The following ZDHHC11 variants were observed in gnomAD, a reference collection of about 807,000 sequenced individuals.
ZDHHC11 encodes palmitoyltransferase ZDHHC11.
A neutral mutation model predicts 51.3 loss-of-function variants in ZDHHC11; 44 were observed. The ratio of observed to expected loss-of-function variants is 0.86; its 90% CI spans 0.67 to 1.10. ZDHHC11 has a LOEUF of 1.10. ZDHHC11 is among the 50% of genes least tolerant of loss of function. The pLI, the probability that ZDHHC11 is intolerant of heterozygous loss-of-function variation, is 0.00. For synonymous variants in ZDHHC11, 163 were observed against 222.0 expected, an observed-to-expected ratio of 0.73 and a Z score of 2.36; for missense variants, 400 against 537.7, an observed-to-expected ratio of 0.74 and a Z score of 2.53.
intron 7 of ZDHHC11, among the ~76,000 whole-genome samples, chr5:831,290 A>T (rs1743045877): frequency 1.3e-5 from 2 of 149,430 alleles, no homozygotes; most frequent in South Asian, 4.2e-4. Flanking sequence ...CGCAAGAAAA[A>T]ACAAATCATC....
chr5:840,151 G>A (rs1744550524), intron 5 of ZDHHC11: 1 of 636,788 alleles, frequency 1.6e-6, no homozygotes, highest in South Asian at 1.8e-5. Context: ...ATTTCATAAT[G>A]TCCTGTTCTT....
chr5:813,117 G>A (rs181325358), intron 11 of ZDHHC11, among the ~76,000 whole-genome samples: 9 of 145,214 alleles, frequency 6.2e-5, no homozygotes, highest in African/African-American at 1.9e-4. Flanking sequence ...CAGGCAAATC[G>A]CTTGAGCTCA....
exon 1 of ZDHHC11, among the ~76,000 whole-genome samples, chr5:858,900 G>T (rs553713765): frequency 6.6e-6 from 1 of 152,034 alleles, no homozygotes; most frequent in South Asian, 2.1e-4. Context: ...TCCTTCTCAC[G>T]CCTATCACAT....
chr5:812,219 C>A (rs1309889165), intron 11 of ZDHHC11, among the ~76,000 whole-genome samples: 2 of 148,774 alleles, frequency 1.3e-5, no homozygotes, highest in Admixed American at 6.7e-5. Flanking sequence ...CTTTTTAAAG[C>A]AAGACAGGTA....
chr5:855,877 C>A (rs1412170114), upstream of ZDHHC11, among the ~76,000 whole-genome samples: 3 of 148,040 alleles, frequency 2.0e-5, no homozygotes, highest in Admixed American at 2.0e-4. Flanking sequence ...GGGGCACAGA[C>A]CCCACAGAGG....
In ZDHHC11 at chr5:795,911, C is replaced by G. The variant is rs1197272051; in HGVS notation, c.*677G>C. 1.2e-5 allele frequency: 1 copy of G among 85,046 alleles called. No homozygotes were observed. The highest frequency in any genetic ancestry group is 2.1e-5 in the Non-Finnish European group (1 of 48,018). 5.3% of individuals were successfully genotyped at this position (85,046 alleles called of 1,614,324 possible). On this transcript the variant is annotated 3_prime_UTR_variant, in exon 13 of 13. Transcript: ENST00000283441. The stretch of plus-strand genomic sequence containing the variant: ...TACTGTGGGCTCCCATTTCCCAGTA[C>G]TGTGCTCCCATTTCCCAGTACTGTG...
In ZDHHC11 at chr5:797,064, G is replaced by A. The variant is rs943379306; in HGVS notation, c.*8-484C>T. Among the ~76,000 whole-genome samples the A allele has an allele frequency of 4.0e-5, 6 of 151,178 alleles. 2 individuals carry two copies. Among genetic ancestry groups the A allele is most frequent in the Admixed American group, 3.3e-4 (5 of 15,202 alleles). ...CTACTAAAAATACAAAAAATTAGCT[G>A]GGTGTGGTGGTGGGCAACTGTAGGC... On this transcript the variant is annotated intron_variant, in intron 12 of 12. Transcript: ENST00000283441.
chr5:849,818 C>G (rs1346843029), intron 1 of ZDHHC11: 4 of 153,228 alleles, frequency 2.6e-5, no homozygotes, highest in Admixed American at 1.3e-4. Context: ...CACCCTGGGA[C>G]AAACACAGAC....
intron 6 of ZDHHC11, 104 bp downstream of exon 6, chr5:837,261 C>A (rs1282728913): frequency 7.8e-7 from 1 of 1,290,134 alleles, no homozygotes; most frequent in Non-Finnish European, 1.1e-6. Context: ...CCATGGGCTG[C>A]ATCGGCCCTG....
At chr5:803,912 C>G (rs1738849332) in intron 11 of ZDHHC11, among the ~76,000 whole-genome samples, 1 of 148,154 alleles carries the variant, frequency 6.7e-6, no homozygotes, top group African/African-American at 2.5e-5. Flanking sequence ...AAGAAAGGAT[C>G]AGCTAAGTTG....
chr5:825,270 G>A lies in ZDHHC11; in HGVS notation c.936-19C>T, dbSNP rs1742181649. 11 of 1,609,426 alleles carry A rather than the reference G, an allele frequency of 6.8e-6. No individual in the cohort carries two copies. The highest frequency in any genetic ancestry group is 9.4e-6 in the Non-Finnish European group (11 of 1,176,396). ...TTTGACTCTGGTGGGACAGAAAGGA[G>A]GAGAGAAACTCATCTCAGCTTTGTA... is the stretch of plus-strand genomic sequence containing the variant. On this transcript the variant is annotated intron_variant, in intron 7 of 12. Transcript: ENST00000283441.
At chr5:799,301 C>G (rs1738073356) in intron 12 of ZDHHC11, among the ~76,000 whole-genome samples, 1 of 151,448 alleles carries the variant, frequency 6.6e-6, no homozygotes, top group Non-Finnish European at 1.5e-5. Context: ...CTGCACATGT[C>G]AGCTCCCTTC....
At chr5:819,695 G>A (rs1042937383) in intron 9 of ZDHHC11, 83 bp from the exon 10 acceptor site, 1 of 1,427,564 alleles carries the variant, frequency 7.0e-7, no homozygotes, top group Non-Finnish European at 9.8e-7. Context: ...AGTGTGTCCT[G>A]TAAGCACCAC....
At chr5:801,064 A>T in intron 12 of ZDHHC11, 36 bp downstream of exon 12, 2 of 1,607,850 alleles carry the variant, frequency 1.2e-6, no homozygotes, top group Non-Finnish European at 1.7e-6. Flanking sequence ...AAACTTGGGT[A>T]GATTTCAACA....
chr5:824,720 G>A (rs1442961131), intron 8 of ZDHHC11, among the ~76,000 whole-genome samples: 1 of 149,624 alleles, frequency 6.7e-6, no homozygotes, highest in African/African-American at 2.5e-5. Context: ...CACATACATC[G>A]TCTATTCCCA....
chr5:827,930 T>G (rs1742513018), intron 7 of ZDHHC11, among the ~76,000 whole-genome samples: 1 of 150,474 alleles, frequency 6.6e-6, no homozygotes, highest in Non-Finnish European at 1.5e-5. Flanking sequence ...GATTAGGGAG[T>G]GGTGATGACT....
chr5:846,743 G>GCCC (rs1746252721), intron 3 of ZDHHC11, among the ~76,000 whole-genome samples: 1 of 102,438 alleles, frequency 9.8e-6, no homozygotes. Flanking sequence ...AACACCTCTC[G>GCCC]TTCTTGAGCC....
chr5:859,054 T>G (rs1457055590), upstream of ZDHHC11, among the ~76,000 whole-genome samples: 1 of 151,750 alleles, frequency 6.6e-6, no homozygotes, highest in African/African-American at 2.4e-5. Flanking sequence ...GTTGGGAGGA[T>G]GAGGGGACAA....
intron 10 of ZDHHC11, 135 bp downstream of exon 10, chr5:819,390 C>T: frequency 2.3e-6 from 2 of 888,278 alleles, no homozygotes; most frequent in South Asian, 1.5e-5. Context: ...CACCATCATT[C>T]CCATGTGAGC....
Sources: allele counts gnomAD v4.1 joint callset (sites outside exome capture counted in the v4.1 genomes callset), GRCh38; gene constraint gnomAD v4.1.1; transcripts MANE v1.5; gene names NCBI Gene and HGNC (gene_info 2026-07-23, HGNC 2026-07-21).